Variants in PCLO observed in about 807,000 individuals in gnomAD.
PCLO encodes the protein protein piccolo.
In PCLO, 82 loss-of-function variants were observed where a neutral mutation model predicts 427.5. The ratio of observed to expected loss-of-function variants is 0.19; its 90% CI spans 0.16 to 0.23. The LOEUF (loss-of-function observed/expected upper bound fraction) is 0.23. PCLO is among the 10% of genes least tolerant of loss of function. The probability of loss-of-function intolerance (pLI) is 1.00; values close to 1 mark genes in which losing one functional copy is unlikely to be tolerated. For synonymous variants in PCLO, 2,357 were observed against 2,155.4 expected (o/e 1.09, Z -2.59); for missense variants, 6,239 against 6,115.9 (o/e 1.02, Z -0.67).
chr7:82,803,322 T>C (rs554934280), intron 21 of PCLO, among the ~76,000 whole-genome samples: 1 of 152,226 alleles, frequency 6.6e-6, no homozygotes, highest in East Asian at 1.9e-4. Context: ...TAGATCAGAA[T>C]ACTAAAAAAT....
intron 2 of PCLO, among the ~76,000 whole-genome samples, chr7:83,140,533 T>C (rs1333087760): frequency 6.6e-6 from 1 of 152,164 alleles, no homozygotes; most frequent in Non-Finnish European, 1.5e-5. Flanking sequence ...AGTGTATATA[T>C]GACACTTTAA....
intron 3 of PCLO, among the ~76,000 whole-genome samples, chr7:83,070,513 G>A (rs1024049158): frequency 6.6e-6 from 1 of 150,950 alleles, no homozygotes; most frequent in Non-Finnish European, 1.5e-5. Context: ...TCAGCCTCCC[G>A]AGTAGCTGCG....
intron 20 of PCLO, chr7:82,821,181 C>T (rs1459336211): frequency 3.0e-6 from 3 of 997,648 alleles, no homozygotes; most frequent in Non-Finnish European, 3.6e-6. Flanking sequence ...TCTTGGTTGC[C>T]ATTGGCTGGT....
intron 3 of PCLO, among the ~76,000 whole-genome samples, chr7:83,057,507 G>A (rs7459330): frequency 4.7e-5 from 7 of 149,018 alleles, no homozygotes; most frequent in South Asian, 4.3e-4. Flanking sequence ...GACTGCATGC[G>A]CCCGCCACCA....
rs1211982127 is a variant in PCLO, at chr7:83,114,728, T to C, written c.3300+19522A>G. On this transcript the variant is annotated intron_variant, in intron 3 of 24. Transcript: ENST00000333891. ...GTATTATCAGATTGCATTGGGCCCA[T>C]TAGTTTGTGTATGTCTTTAAATGGT... Among the ~76,000 whole-genome samples, 4 of 152,026 alleles carry C rather than the reference T, an allele frequency of 2.6e-5. No individual in the cohort carries two copies. The East Asian group carries it at 7.7e-4, about 29-fold the overall frequency.
chr7:83,083,843 C>G (rs1790164426), intron 3 of PCLO, among the ~76,000 whole-genome samples: 1 of 152,086 alleles, frequency 6.6e-6, no homozygotes, highest in Non-Finnish European at 1.5e-5. Context: ...GATGTATTTT[C>G]TTGATATATC....
At chr7:82,959,286 G>A (rs1003281179) in intron 4 of PCLO, among the ~76,000 whole-genome samples, 10 of 152,042 alleles carry the variant, frequency 6.6e-5, no homozygotes, top group African/African-American at 2.2e-4. Context: ...GGCTGATCTC[G>A]AACTCCTGAC....
rs71522632 is a variant in PCLO at position 82,848,304 on chromosome 7, G to GTT, written c.13655-1059_13655-1058dup. Among the ~76,000 whole-genome samples, 124 of 83,880 alleles carry GTT rather than the reference G, an allele frequency of 1.5e-3. 11 individuals are homozygous for GTT. Among genetic ancestry groups the GTT allele is most frequent in the Middle Eastern group, 8.3e-3 (1 of 120 alleles). The allele number at this position is 83,880 out of a possible 152,430, so 55.0% of individuals were successfully genotyped here. ...AATTATGTTGTTGAACCATTAGTTA[G>GTT]TTTTTTTTTTTTTTTTTTTTTTTTT... On this transcript the variant is annotated intron_variant, in intron 10 of 24. Transcript: ENST00000333891.
At chr7:82,961,934 A>T (rs2115625683) in intron 4 of PCLO, among the ~76,000 whole-genome samples, 1 of 152,346 alleles carries the variant, frequency 6.6e-6, no homozygotes, top group South Asian at 2.1e-4. Flanking sequence ...TTAAAGATCA[A>T]ACTAGTAATG....
chr7:82,939,483 G>A (rs986042752), intron 6 of PCLO, among the ~76,000 whole-genome samples: 2 of 151,298 alleles, frequency 1.3e-5, no homozygotes, highest in South Asian at 4.1e-4. Context: ...CCTTAGCCTA[G>A]AACACAACCT....
chr7:82,845,668 G>A (rs1792482829), intron 12 of PCLO, among the ~76,000 whole-genome samples, 183 bp from the exon 13 acceptor site: 1 of 152,138 alleles, frequency 6.6e-6, no homozygotes, highest in Admixed American at 6.5e-5. Flanking sequence ...ACAAGGCTCT[G>A]AGAAGAGTGA....
rs1323070425 is a variant in PCLO, at chr7:82,754,822, T to C, written c.*3753A>G. ...TTATTCATTGAGTCTTCTTTCACTT[T>C]CATGTCAAGCTCAAAAAGAGGGAAG... On this transcript the variant is annotated 3_prime_UTR_variant, in exon 25 of 25. Coordinates refer to ENST00000333891, the MANE Select transcript of PCLO (RefSeq NM_033026.6). 3.3e-5 allele frequency: 5 copies of C among 152,222 alleles called. No homozygotes were observed. The highest frequency in any genetic ancestry group is 1.2e-4 in the African/African-American group (5 of 41,588). 9.4% of individuals were successfully genotyped at this position (152,222 alleles called of 1,614,324 possible).
intron 3 of PCLO, among the ~76,000 whole-genome samples, chr7:83,072,258 CTT>C: frequency 6.6e-6 from 1 of 152,044 alleles, no homozygotes; most frequent in East Asian, 1.9e-4. Context: ...ATGAAAACCA[CTT>C]AAGTATTTTA....
At chr7:83,128,555 G>A (rs1235997149) in intron 3 of PCLO, among the ~76,000 whole-genome samples, 4 of 152,028 alleles carry the variant, frequency 2.6e-5, no homozygotes, top group Non-Finnish European at 5.9e-5. Flanking sequence ...GGAAAACAAA[G>A]TTAGAATGTG....
chr7:82,861,744 T>A (rs1311925977), intron 10 of PCLO, among the ~76,000 whole-genome samples: 1 of 151,954 alleles, frequency 6.6e-6, no homozygotes. Flanking sequence ...AAAACAAGTT[T>A]TAAAACATTC....
chr7:82,857,076 C>A (rs536843942), intron 10 of PCLO, among the ~76,000 whole-genome samples: 4 of 152,266 alleles, frequency 2.6e-5, no homozygotes, highest in Non-Finnish European at 4.4e-5. Context: ...GCACTGTGAT[C>A]TTAGACTTAT....
intron 20 of PCLO, among the ~76,000 whole-genome samples, chr7:82,808,817 C>A (rs1346589028): frequency 6.6e-6 from 1 of 151,824 alleles, no homozygotes; most frequent in Non-Finnish European, 1.5e-5. Context: ...GTATTCTTAA[C>A]TTGGTATCTA....
At chr7:82,987,858 A>T (rs1796289587) in intron 3 of PCLO, among the ~76,000 whole-genome samples, 1 of 152,134 alleles carries the variant, frequency 6.6e-6, no homozygotes, top group African/African-American at 2.4e-5. Flanking sequence ...TTCTTAGTTA[A>T]CACAGAACAA....
chr7:83,095,747 T>C (rs975725), intron 3 of PCLO, among the ~76,000 whole-genome samples: 69,641 of 151,730 alleles, frequency 0.46, 16,394 homozygotes, highest in East Asian at 0.71. Flanking sequence ...GTTATCTTTC[T>C]ATTACTAATT....
Sources: gnomAD v4.1 joint callset for allele counts (sites outside exome capture counted in the v4.1 genomes callset) on GRCh38, gnomAD v4.1.1 for gene constraint, MANE v1.5 for transcripts, NCBI Gene and HGNC (gene_info 2026-07-23, HGNC 2026-07-21) for gene names.